Variants in INPP4B observed in about 807,000 individuals in gnomAD.
The protein encoded by INPP4B is inositol polyphosphate 4-phosphatase type II.
In INPP4B, 55 loss-of-function variants were observed where a neutral mutation model predicts 122.5. The ratio of observed to expected loss-of-function variants is 0.45; its 90% CI spans 0.36 to 0.56. The LOEUF (loss-of-function observed/expected upper bound fraction) is 0.56. Among genes scored for constraint, INPP4B ranks in the 20% least tolerant of loss-of-function variants. The pLI is 0.00. For synonymous variants in INPP4B, 403 were observed against 388.7 expected (o/e 1.04, Z -0.43); for missense variants, 1,000 against 1,097.7 (o/e 0.91, Z 1.26).
intron 11 of INPP4B, among the ~76,000 whole-genome samples, chr4:142,254,109 C>T (rs751228388): frequency 7.2e-5 from 11 of 152,102 alleles, no homozygotes; most frequent in African/African-American, 2.2e-4. Context: ...ACACCTCACA[C>T]GGCCGGTACT....
intron 3 of INPP4B, among the ~76,000 whole-genome samples, chr4:142,459,011 C>T (rs1432942648): frequency 2.0e-5 from 3 of 152,164 alleles, no homozygotes; most frequent in Non-Finnish European, 4.4e-5. Context: ...ATTCAAAAAG[C>T]CAGCCTGACT....
At chr4:142,061,831 A>T (rs1229790174) in intron 25 of INPP4B, among the ~76,000 whole-genome samples, 3 of 147,884 alleles carry the variant, frequency 2.0e-5, no homozygotes, top group South Asian at 4.3e-4. Flanking sequence ...GTCATATATA[A>T]ATGCATATAT....
At chr4:142,471,972 TA>T (rs913634390) in intron 2 of INPP4B, among the ~76,000 whole-genome samples, 22 of 152,286 alleles carry the variant, frequency 1.4e-4, no homozygotes, top group Non-Finnish European at 2.9e-4. Flanking sequence ...ACCTACAAAT[TA>T]TTTTTTTTCA....
At chr4:142,163,890 G>A (rs544773855) in intron 16 of INPP4B, among the ~76,000 whole-genome samples, 3 of 151,620 alleles carry the variant, frequency 2.0e-5, no homozygotes, top group Non-Finnish European at 4.4e-5. Flanking sequence ...CTCATTTAGC[G>A]TGAACTACAT....
intron 2 of INPP4B, among the ~76,000 whole-genome samples, chr4:142,580,383 C>G (rs1309976740): frequency 6.6e-6 from 1 of 151,904 alleles, no homozygotes; most frequent in Admixed American, 6.6e-5. Flanking sequence ...ATGAAACAAC[C>G]CAACACACAA....
intron 1 of INPP4B, among the ~76,000 whole-genome samples, chr4:142,749,247 T>C (rs560776789): frequency 1.4e-5 from 2 of 146,872 alleles, no homozygotes; most frequent in Non-Finnish European, 3.0e-5. Context: ...ATATATAATG[T>C]CTTACCATAT....
chr4:142,400,538 A>G (rs1407052310), intron 7 of INPP4B, among the ~76,000 whole-genome samples: 1 of 152,228 alleles, frequency 6.6e-6, no homozygotes, highest in East Asian at 1.9e-4. Flanking sequence ...AAAGGGGCAA[A>G]GATAAAGACC....
At chr4:142,594,954 CAAAAAAAAAAA>C (rs70949177) in intron 2 of INPP4B, among the ~76,000 whole-genome samples, 3 of 58,046 alleles carry the variant, frequency 5.2e-5, no homozygotes, top group African/African-American at 2.1e-4. Context: ...GACTCTGTCT[CAAAAAAAAAAA>C]AAAAAAAAAA....
rs770096896 is a variant in INPP4B, at chr4:142,208,439, C to T, written c.1058G>A (p.Ser353Asn). 6.4e-7 allele frequency: 1 copy of T among 1,563,344 alleles called. No homozygotes were observed. The highest frequency in any genetic ancestry group is 8.7e-7 in the Non-Finnish European group (1 of 1,143,748). ...NLHLQRMQVH[S>N]PHLKDALYDV... ...ATTTATGATACCTTTCAAGTGAGGG[C>T]TGTGTACCTGCATTCTTTGCAGATG... The change falls in exon 14 of 26, where the codon AGC (serine) becomes AAC (asparagine). Residue 353 changes from serine to asparagine, a missense_variant. Ser to Asn is a conservative substitution (Grantham distance 46, BLOSUM62 1). Coordinates refer to ENST00000262992, the MANE Select transcript of INPP4B (RefSeq NM_001101669.3).
chr4:142,656,911 T>C (rs1754258340), intron 2 of INPP4B, among the ~76,000 whole-genome samples: 1 of 152,242 alleles, frequency 6.6e-6, no homozygotes, highest in Admixed American at 6.5e-5. Flanking sequence ...TCTTTGGCTG[T>C]GGCCAATCTG....
intron 18 of INPP4B, among the ~76,000 whole-genome samples, chr4:142,145,141 G>A (rs575008151): frequency 1.3e-5 from 2 of 152,108 alleles, no homozygotes; most frequent in East Asian, 1.9e-4. Flanking sequence ...CATTTACAGG[G>A]ACACATCTGT....
intron 12 of INPP4B, among the ~76,000 whole-genome samples, chr4:142,209,663 C>T (rs968088592): frequency 1.3e-5 from 2 of 151,496 alleles, no homozygotes; most frequent in Admixed American, 1.3e-4. Context: ...TGTGGTGGTG[C>T]GTGCCTGTAG....
At chr4:142,710,210 C>A (rs1762942088) in intron 2 of INPP4B, among the ~76,000 whole-genome samples, 1 of 152,118 alleles carries the variant, frequency 6.6e-6, no homozygotes, top group South Asian at 2.1e-4. Flanking sequence ...ATGAGCACAG[C>A]CAATGCCTTT....
intron 3 of INPP4B, among the ~76,000 whole-genome samples, chr4:142,434,750 G>A (rs1196357462): frequency 6.6e-6 from 1 of 152,120 alleles, no homozygotes; most frequent in East Asian, 1.9e-4. Context: ...GACAAGATGA[G>A]GCCTAGTTAG....
intron 2 of INPP4B, among the ~76,000 whole-genome samples, chr4:142,586,780 G>A (rs552671640): frequency 1.3e-5 from 2 of 152,266 alleles, no homozygotes; most frequent in African/African-American, 4.8e-5. Flanking sequence ...AATGAAAGGG[G>A]AAGGCAAGGA....
At chr4:142,624,189 T>A (rs1239153858) in intron 2 of INPP4B, among the ~76,000 whole-genome samples, 5 of 151,990 alleles carry the variant, frequency 3.3e-5, no homozygotes, top group Non-Finnish European at 7.4e-5. Flanking sequence ...CCACCAACAG[T>A]ATAAAGTGTT....
intron 3 of INPP4B, among the ~76,000 whole-genome samples, chr4:142,437,313 G>T (rs1439622641): frequency 6.6e-6 from 1 of 152,032 alleles, no homozygotes; most frequent in African/African-American, 2.4e-5. Context: ...CAACTGTTTG[G>T]AGTACTTGAA....
chr4:142,518,630 T>G (rs1350451093), intron 2 of INPP4B: 1 of 151,970 alleles, frequency 6.6e-6, no homozygotes, highest in Non-Finnish European at 1.5e-5. Flanking sequence ...GAAATGAGAG[T>G]GTATGACTTC....
At chr4:142,802,661 G>T (rs868437814) in intron 1 of INPP4B, among the ~76,000 whole-genome samples, 4 of 152,118 alleles carry the variant, frequency 2.6e-5, no homozygotes, top group Middle Eastern at 3.4e-3. Context: ...CTACTAAAAT[G>T]GTACGGAAGT....
Sources: allele counts gnomAD v4.1 joint callset (sites outside exome capture counted in the v4.1 genomes callset), GRCh38; gene constraint gnomAD v4.1.1; transcripts MANE v1.5; gene names NCBI Gene and HGNC (gene_info 2026-07-23, HGNC 2026-07-21).